The following LIPJ variants were observed in gnomAD, a reference collection of about 807,000 sequenced individuals.
LIPJ encodes the protein lipase family member J, also known as lipase member J.
Under a neutral mutation model 39.8 loss-of-function variants are expected in LIPJ, and 33 were observed. The observed-to-expected ratio is 0.83, with a 90% confidence interval of 0.63 to 1.11. LIPJ has a LOEUF of 1.11. LIPJ is among the 50% of genes least tolerant of loss of function. The pLI is 0.00. For missense variants in LIPJ, 422 were observed against 427.9 expected, an observed-to-expected ratio of 0.99 and a Z score of 0.12; for synonymous variants, 128 against 139.2, an observed-to-expected ratio of 0.92 and a Z score of 0.57.
At chr10:88,605,915 G>A (rs1309237952) in intron 10 of LIPJ, among the ~76,000 whole-genome samples, 1 of 152,046 alleles carries the variant, frequency 6.6e-6, no homozygotes, top group African/African-American at 2.4e-5. Flanking sequence ...AAATAACCCG[G>A]ATAAGTCCAG....
chr10:88,583,034 A>G (rs770758825), upstream of LIPJ: 3 of 1,598,004 alleles, frequency 1.9e-6, no homozygotes, highest in Non-Finnish European at 2.6e-6. Context: ...CCTGCCCGGC[A>G]GTCCTCTTTT....
downstream of LIPJ, chr10:88,607,005 T>A (rs1415433401): frequency 2.3e-6 from 3 of 1,296,246 alleles, no homozygotes; most frequent in Non-Finnish European, 3.0e-6. Flanking sequence ...TTTTTAAAAC[T>A]AAATATGTAG....
chr10:88,589,284 G>A (rs1851006998), intron 2 of LIPJ, among the ~76,000 whole-genome samples: 1 of 151,790 alleles, frequency 6.6e-6, no homozygotes, highest in Admixed American at 6.6e-5. Flanking sequence ...CAGCCCATGA[G>A]GAGAGAGAAC....
intron 2 of LIPJ, among the ~76,000 whole-genome samples, chr10:88,588,194 TCTA>T (rs1839040337): frequency 6.6e-6 from 1 of 151,890 alleles, no homozygotes; most frequent in African/African-American, 2.4e-5. Context: ...TATATTTGCA[TCTA>T]CTATGACAAA....
chr10:88,606,648 C>T (rs753130085), intron 10 of LIPJ, 26 bp from the exon 11 acceptor site: 34 of 1,405,434 alleles, frequency 2.4e-5, no homozygotes, highest in Non-Finnish European at 3.4e-5. Flanking sequence ...CCTATGAAAA[C>T]TATTTTTTCA....
the LIPJ span, among the ~76,000 whole-genome samples, chr10:88,613,770 G>GTATATATA: frequency 0.023 from 1,719 of 75,342 alleles, 64 homozygotes; most frequent in South Asian, 0.041. Flanking sequence ...ATGTGTGTGT[G>GTATATATA]TATATATATA....
chr10:88,584,824 A>G (rs983800685), upstream of LIPJ, among the ~76,000 whole-genome samples: 2 of 152,164 alleles, frequency 1.3e-5, no homozygotes, highest in Non-Finnish European at 2.9e-5. Context: ...CCGGGTTAGG[A>G]ATTACTTTTG....
chr10:88,595,715 T>A (rs1281619512), intron 6 of LIPJ, among the ~76,000 whole-genome samples: 1 of 151,402 alleles, frequency 6.6e-6, no homozygotes, highest in Non-Finnish European at 1.5e-5. Flanking sequence ...AAATAAATAA[T>A]AAATAAATAA....
In LIPJ at chr10:88,606,651, T is replaced by C. The variant is rs184632879; in HGVS notation, c.868-23T>C. 3.1e-4 allele frequency: 441 copies of C among 1,437,584 alleles called. 1 individual carries two copies. In the African/African-American group the frequency reaches 5.5e-3, roughly 18 times the overall value. The allele number at this position is 1,437,584 out of a possible 1,614,324, so 89.1% of individuals were successfully genotyped here. A position where few individuals can be genotyped will look rare whatever the true frequency, so the allele number is the denominator to read the frequency against. The stretch of plus-strand genomic sequence containing the variant: ...ACTGTATCATCTCCTATGAAAACTA[T>C]TTTTTCACTCATTTATTTTCAGACA... On this transcript the variant is annotated intron_variant, in intron 10 of 10. Transcript: ENST00000371939.
At chr10:88,601,964 C>T (rs1851498111) in intron 8 of LIPJ, among the ~76,000 whole-genome samples, 1 of 152,106 alleles carries the variant, frequency 6.6e-6, no homozygotes, top group South Asian at 2.1e-4. Flanking sequence ...CACTGAGGTT[C>T]CAGGAACTAT....
the LIPJ span, among the ~76,000 whole-genome samples, chr10:88,612,281 A>C: frequency 6.6e-6 from 1 of 152,220 alleles, no homozygotes; most frequent in African/African-American, 2.4e-5. Context: ...TCTTGAAACA[A>C]ATCCTTTGAA....
In LIPJ at chr10:88,602,655, T is replaced by C; in HGVS notation, c.795+8T>C. ...ATGCTTCATTGGAGTCAGGTATAAC[T>C]GCTAAAGTGCATTTCCATACAATTT... On this transcript the variant is annotated splice_region_variant and intron_variant, in intron 9 of 10. Transcript: ENST00000371939. 1 of 1,409,948 alleles carries C rather than the reference T, an allele frequency of 7.1e-7. No individual in the cohort carries two copies. The highest frequency in any genetic ancestry group is 9.5e-7 in the Non-Finnish European group (1 of 1,048,820). 87.3% of individuals were successfully genotyped at this position (1,409,948 alleles called of 1,614,324 possible). A position where few individuals can be genotyped will look rare whatever the true frequency, so the allele number is the denominator to read the frequency against.
chr10:88,585,342 A>G (rs1850873446), upstream of LIPJ, among the ~76,000 whole-genome samples: 1 of 151,986 alleles, frequency 6.6e-6, no homozygotes, highest in Non-Finnish European at 1.5e-5. Context: ...GAGACTTGAA[A>G]CTTCATAATT....
intron 5 of LIPJ, chr10:88,594,431 C>A (rs1851185430): frequency 2.1e-6 from 1 of 466,354 alleles, no homozygotes; most frequent in Non-Finnish European, 3.8e-6. Context: ...ATTTTGTCTA[C>A]CCTACTCTAT....
chr10:88,594,058 T>A, exon 5 of LIPJ: 3 of 1,612,340 alleles, frequency 1.9e-6, no homozygotes, highest in Non-Finnish European at 2.5e-6. Context: ...CTGGTTATGA[T>A]GTGTGGATGG....
At chr10:88,609,908 A>T (rs1224965308), downstream of LIPJ, among the ~76,000 whole-genome samples, 1 of 151,306 alleles carries the variant, frequency 6.6e-6, no homozygotes, top group Non-Finnish European at 1.5e-5. Flanking sequence ...CAAAAAAAAA[A>T]AAAAAAAAAA....
chr10:88,602,726 C>T, intron 9 of LIPJ, 79 bp downstream of exon 9: 1 of 764,190 alleles, frequency 1.3e-6, no homozygotes, highest in South Asian at 2.1e-5. Flanking sequence ...GGGATCATAC[C>T]ATGGCCATAG....
At chr10:88,587,582 G>A (rs974949345) in intron 2 of LIPJ, among the ~76,000 whole-genome samples, 190 bp downstream of exon 2, 2 of 152,034 alleles carry the variant, frequency 1.3e-5, no homozygotes, top group African/African-American at 2.4e-5. Flanking sequence ...TTGCTAAATG[G>A]GTGATAGCTT....
the LIPJ span, among the ~76,000 whole-genome samples, chr10:88,619,453 C>CCACACACACACACACACACA: frequency 0.034 from 5,031 of 146,966 alleles, 130 homozygotes; most frequent in East Asian, 0.062. Context: ...CCCCCTCTTG[C>CCACACACACACACACACACA]CACACACACA....
Sources: allele counts gnomAD v4.1 joint callset (sites outside exome capture counted in the v4.1 genomes callset), GRCh38; gene constraint gnomAD v4.1.1; transcripts MANE v1.5; gene names NCBI Gene and HGNC (gene_info 2026-07-23, HGNC 2026-07-21).